STEAP1B: variants seen among roughly 807,000 people sequenced by gnomAD.
The protein encoded by STEAP1B is STEAP family member 1B.
A neutral mutation model predicts 27.9 loss-of-function variants in STEAP1B; 13 were observed. The observed-to-expected ratio is 0.47, with a 90% CI of 0.30 to 0.74. The LOEUF is 0.74. Ranked by LOEUF, STEAP1B falls within the 30% of genes least tolerant of loss-of-function variation. The pLI, the probability that STEAP1B is intolerant of heterozygous loss-of-function variation, is 0.06. For synonymous variants in STEAP1B, 86 were observed against 107.1 expected (o/e 0.80, Z 1.22); for missense variants, 250 against 298.7 (o/e 0.84, Z 1.20).
At chr7:22,471,157 T>A (rs1785875920) in intron 4 of STEAP1B, among the ~76,000 whole-genome samples, 1 of 152,016 alleles carries the variant, frequency 6.6e-6, no homozygotes. Context: ...CAGGGCCCAG[T>A]GGGTGGGCTG....
At chr7:22,477,301 G>C (rs1488531383) in intron 4 of STEAP1B, among the ~76,000 whole-genome samples, 1 of 152,148 alleles carries the variant, frequency 6.6e-6, no homozygotes, top group Non-Finnish European at 1.5e-5. Flanking sequence ...GCCTGAACTT[G>C]ATCTAAACTT....
In STEAP1B at chr7:22,486,813, C is replaced by T. The variant is rs574858039; in HGVS notation, c.762+5752G>A. 1.3e-3 allele frequency among the ~76,000 whole-genome samples: 197 copies of T among 152,190 alleles called. 1 individual carries two copies. Among genetic ancestry groups the T allele is most frequent in the South Asian group, 5.4e-3 (26 of 4,820 alleles). On this transcript the variant is annotated intron_variant, in intron 4 of 4. Transcript: ENST00000678116. ...TAGCCACACTGGCCACTAGCCCTTC[C>T]TGGTGGATCCTGTTTCAGGGCCTTC...
At chr7:22,475,515 G>A (rs888308416) in intron 4 of STEAP1B, among the ~76,000 whole-genome samples, 1 of 152,208 alleles carries the variant, frequency 6.6e-6, no homozygotes, top group Non-Finnish European at 1.5e-5. Flanking sequence ...TGGATTCCAA[G>A]TACATGCCAC....
At chr7:22,424,090 T>G (rs2528833) in intron 4 of STEAP1B, among the ~76,000 whole-genome samples, 2 of 151,750 alleles carry the variant, frequency 1.3e-5, no homozygotes, top group African/African-American at 4.8e-5. Context: ...CTAAATAACA[T>G]TGTTAAAAAT....
At chr7:22,465,579 C>G (rs1003768599) in intron 4 of STEAP1B, among the ~76,000 whole-genome samples, 1 of 152,056 alleles carries the variant, frequency 6.6e-6, no homozygotes, top group African/African-American at 2.4e-5. Context: ...TTGTTATGTA[C>G]GATGTGAACA....
chr7:22,444,868 G>A (rs3094974), intron 4 of STEAP1B, among the ~76,000 whole-genome samples: 99,837 of 152,028 alleles, frequency 0.66, 33,399 homozygotes, highest in Middle Eastern at 0.78. Context: ...GGGCTCCCCA[G>A]TATTCTATTT....
chr7:22,476,177 G>C (rs77763650), intron 4 of STEAP1B, among the ~76,000 whole-genome samples: 2,199 of 152,242 alleles, frequency 0.014, 101 homozygotes, highest in Admixed American at 0.094. Context: ...CCCAAACCCC[G>C]TTGTATTACT....
At chr7:22,488,996 C>G (rs1786270825) in intron 4 of STEAP1B, among the ~76,000 whole-genome samples, 1 of 152,186 alleles carries the variant, frequency 6.6e-6, no homozygotes, top group Non-Finnish European at 1.5e-5. Flanking sequence ...TGGATAAGTT[C>G]TCTTCTACCC....
intron 4 of STEAP1B, among the ~76,000 whole-genome samples, chr7:22,454,465 T>C (rs1433794992): frequency 6.6e-6 from 1 of 152,148 alleles, no homozygotes; most frequent in African/African-American, 2.4e-5. Flanking sequence ...TCAGAGGGCA[T>C]TGTTGTACCT....
intron 1 of STEAP1B, among the ~76,000 whole-genome samples, chr7:22,498,023 A>G (rs1248487161): frequency 1.3e-5 from 2 of 152,104 alleles, no homozygotes; most frequent in Non-Finnish European, 2.9e-5. Context: ...GGAGCACACA[A>G]CCTAGGTCCC....
chr7:22,471,751 A>C (rs1473175176), intron 4 of STEAP1B, among the ~76,000 whole-genome samples: 1 of 152,064 alleles, frequency 6.6e-6, no homozygotes, highest in Non-Finnish European at 1.5e-5. Flanking sequence ...AATATTTTAA[A>C]AGTTAGCCAG....
At chr7:22,432,020 G>A (rs1030809182) in intron 4 of STEAP1B, among the ~76,000 whole-genome samples, 3 of 152,154 alleles carry the variant, frequency 2.0e-5, no homozygotes, top group Non-Finnish European at 4.4e-5. Context: ...CCTCCAAGGC[G>A]ATGGTATTAG....
intron 4 of STEAP1B, among the ~76,000 whole-genome samples, chr7:22,488,281 C>T (rs915874165): frequency 6.6e-6 from 1 of 152,182 alleles, no homozygotes; most frequent in African/African-American, 2.4e-5. Context: ...GCAGAGGATA[C>T]CTTCCCAGAT....
chr7:22,457,326 G>A (rs553262281), intron 4 of STEAP1B, among the ~76,000 whole-genome samples: 90 of 152,210 alleles, frequency 5.9e-4, no homozygotes, highest in Middle Eastern at 3.4e-3. Flanking sequence ...ATTACCCTGA[G>A]TAAAATGCCA....
chr7:22,466,526 C>A (rs1456818267), intron 4 of STEAP1B, among the ~76,000 whole-genome samples: 1 of 152,014 alleles, frequency 6.6e-6, no homozygotes, highest in East Asian at 1.9e-4. Context: ...TATTATGGAC[C>A]CCAAAGGAAA....
chr7:22,461,480 C>A (rs186836404), intron 4 of STEAP1B, among the ~76,000 whole-genome samples: 1 of 152,104 alleles, frequency 6.6e-6, no homozygotes, highest in Non-Finnish European at 1.5e-5. Context: ...CCAGGCTGGT[C>A]TTGAACTCCT....
intron 4 of STEAP1B, among the ~76,000 whole-genome samples, chr7:22,461,094 C>G (rs1400565135): frequency 6.6e-6 from 1 of 152,078 alleles, no homozygotes; most frequent in Non-Finnish European, 1.5e-5. Context: ...TGTTGGATTG[C>G]TCATACCATC....
intron 4 of STEAP1B, among the ~76,000 whole-genome samples, chr7:22,421,855 G>A (rs1003418980): frequency 2.6e-5 from 4 of 152,124 alleles, no homozygotes; most frequent in Admixed American, 6.5e-5. Flanking sequence ...GCTTAAAACC[G>A]AGGTGAGGAC....
At chr7:22,498,629 T>G (rs2128419832) in intron 1 of STEAP1B, among the ~76,000 whole-genome samples, 1 of 152,172 alleles carries the variant, frequency 6.6e-6, no homozygotes, top group African/African-American at 2.4e-5. Flanking sequence ...AACCTTGAGG[T>G]CTAGGAGAGA....
Sources: allele counts gnomAD v4.1 joint callset (sites outside exome capture counted in the v4.1 genomes callset), GRCh38; gene constraint gnomAD v4.1.1; transcripts MANE v1.5; gene names NCBI Gene and HGNC (gene_info 2026-07-23, HGNC 2026-07-21).